CYFIP2: variants seen among roughly 807,000 people sequenced by gnomAD.
CYFIP2 encodes the protein cytoplasmic FMR1-interacting protein 2.
In CYFIP2, 29 loss-of-function variants were observed where a neutral mutation model predicts 158.7. The observed-to-expected ratio is 0.18, with a 90% CI of 0.14 to 0.25. The LOEUF (loss-of-function observed/expected upper bound fraction) is 0.25. CYFIP2 is among the 10% of genes least tolerant of loss of function. The pLI is 1.00. For missense variants in CYFIP2, 852 were observed against 1,639.5 expected, an observed-to-expected ratio of 0.52 and a Z score of 8.29; for synonymous variants, 585 against 617.6, an observed-to-expected ratio of 0.95 and a Z score of 0.78.
At chr5:157,336,086 G>T (rs150132593) in intron 21 of CYFIP2, among the ~76,000 whole-genome samples, 5 of 152,122 alleles carry the variant, frequency 3.3e-5, no homozygotes, top group Non-Finnish European at 7.4e-5. Context: ...GCCCCTGCTC[G>T]CCCTGGCTGA....
intron 26 of CYFIP2, chr5:157,363,073 CTCT>C (rs1199416338): frequency 1.3e-5 from 2 of 152,524 alleles, no homozygotes; most frequent in Non-Finnish European, 2.9e-5. Context: ...AGAACCAGCA[CTCT>C]TCTTCCTGCA....
At chr5:157,322,487 ACC>A (rs1554112809) in intron 15 of CYFIP2, among the ~76,000 whole-genome samples, 2 of 152,212 alleles carry the variant, frequency 1.3e-5, no homozygotes, top group Non-Finnish European at 2.9e-5. Flanking sequence ...ACTGGACAGC[ACC>A]CACAACAGAT....
Position 157,311,768 on chromosome 5 carries a change from A to G in CYFIP2, c.1097A>G (p.Tyr366Cys). ...HIRFISELAR[Y>C]SNSEVVTGSG... ...CGCTTCATCTCCGAGCTCGCTCGCTACAGCAACAGTGAGGTGAGCATGCAG... is the reference window on the plus strand; with the variant it reads ...CGCTTCATCTCCGAGCTCGCTCGCTGCAGCAACAGTGAGGTGAGCATGCAG... The change falls in exon 11 of 31, where the codon TAC becomes TGC. Residue 366 changes from tyrosine (Y) to cysteine (C), a missense_variant. By Grantham distance (194) the Tyr-to-Cys change is radical. Coordinates refer to ENST00000620254, the MANE Select transcript of CYFIP2 (RefSeq NM_001037333.3). This position sits in a 1 kb window ranked among gnomAD's most constrained non-coding sequence, Gnocchi z 4.7. The G allele has an allele frequency of 6.3e-7, 1 of 1,596,950 alleles. No individual in the cohort carries two copies. Among genetic ancestry groups the G allele is most frequent in the African/African-American group, 1.3e-5 (1 of 74,694 alleles).
At position 157,282,407 on chromosome 5, in the gene CYFIP2, C is replaced by T. The variant is rs189890110; in HGVS notation, c.-23-2932C>T. Among the ~76,000 whole-genome samples, 10 of 152,288 alleles carry T rather than the reference C, an allele frequency of 6.6e-5. No individual in the cohort carries two copies. In the East Asian group the frequency reaches 1.9e-3, roughly 29 times the overall value. On this transcript the variant is annotated intron_variant, in intron 1 of 30. Coordinates refer to ENST00000620254, the MANE Select transcript of CYFIP2 (RefSeq NM_001037333.3). ...GCCCAAGCCATTCATGAGGGACCTGCCCACATGATCCAAACACCTCCCACC... is the reference window on the plus strand; with the variant it reads ...GCCCAAGCCATTCATGAGGGACCTGTCCACATGATCCAAACACCTCCCACC...
intron 23 of CYFIP2, among the ~76,000 whole-genome samples, chr5:157,352,644 C>T (rs575327908): frequency 6.6e-6 from 1 of 152,224 alleles, no homozygotes; most frequent in Admixed American, 6.5e-5. Context: ...TCAGATTCCA[C>T]TTCTGCTAAA....
intron 15 of CYFIP2, chr5:157,323,048 T>C (rs1249888057): frequency 6.5e-7 from 1 of 1,534,460 alleles, no homozygotes; most frequent in Non-Finnish European, 8.7e-7. Context: ...TTGGTTTGGG[T>C]ACCCTTCTCG....
chr5:157,357,610 C>T (rs1033186995), intron 23 of CYFIP2, among the ~76,000 whole-genome samples: 1 of 152,076 alleles, frequency 6.6e-6, no homozygotes, highest in African/African-American at 2.4e-5. Flanking sequence ...GGGAAGATCA[C>T]TTGAGGTCAG....
rs1442675860 is a variant in CYFIP2 at position 157,393,686 on chromosome 5, T to C, written c.*686T>C. On this transcript the variant is annotated 3_prime_UTR_variant, in exon 31 of 31. Coordinates refer to ENST00000620254, the MANE Select transcript of CYFIP2 (RefSeq NM_001037333.3). ...TCAGGCCTGCTGTGGGGAAGCAGTA[T>C]GTATGAACACAGCCAGAAATGTCAT... The C allele has an allele frequency of 6.6e-6, 1 of 152,316 alleles. No individual in the cohort carries two copies. Among genetic ancestry groups the C allele is most frequent in the African/African-American group, 2.4e-5 (1 of 41,466 alleles). 9.4% of individuals were successfully genotyped at this position (152,316 alleles called of 1,614,324 possible).
At chr5:157,267,176 C>T (rs949011719) in intron 1 of CYFIP2, among the ~76,000 whole-genome samples, 1 of 152,232 alleles carries the variant, frequency 6.6e-6, no homozygotes, top group Non-Finnish European at 1.5e-5. Context: ...AAACACTCAC[C>T]AGGGCTGATG....
chr5:157,385,158 C>T (rs1169278631), intron 28 of CYFIP2, among the ~76,000 whole-genome samples: 1 of 152,148 alleles, frequency 6.6e-6, no homozygotes, highest in Admixed American at 6.5e-5. Flanking sequence ...TGCAGGCATC[C>T]CGCCTCTCAC....
intron 20 of CYFIP2, among the ~76,000 whole-genome samples, chr5:157,332,489 G>A (rs868303079): frequency 3.3e-4 from 50 of 152,156 alleles, no homozygotes; most frequent in Non-Finnish European, 5.9e-4. Flanking sequence ...GAACAAGGAC[G>A]TTGTCTTATA....
At chr5:157,320,311 G>C (rs1760487305) in intron 14 of CYFIP2, among the ~76,000 whole-genome samples, 1 of 152,152 alleles carries the variant, frequency 6.6e-6, no homozygotes, top group Admixed American at 6.5e-5. Flanking sequence ...AGCACACACA[G>C]ATTTCATAAG....
intron 26 of CYFIP2, among the ~76,000 whole-genome samples, chr5:157,367,248 G>A (rs1225795776): frequency 2.0e-5 from 3 of 152,132 alleles, no homozygotes; most frequent in East Asian, 1.9e-4. Context: ...TCTTTTAGGG[G>A]GTTGCCCTGG....
intron 1 of CYFIP2, among the ~76,000 whole-genome samples, chr5:157,269,871 C>T (rs981236681): frequency 6.6e-6 from 1 of 152,154 alleles, no homozygotes; most frequent in Admixed American, 6.5e-5. Flanking sequence ...GGACGCCTCC[C>T]AGGATGCAAA....
At chr5:157,327,943 C>T in intron 18 of CYFIP2, 30 bp from the exon 19 acceptor site, 1 of 1,608,318 alleles carries the variant, frequency 6.2e-7, no homozygotes, top group Non-Finnish European at 8.5e-7. Context: ...GAACGGGCAC[C>T]AGTGATGTTT....
At chr5:157,320,440 T>G (rs1468760761) in intron 14 of CYFIP2, among the ~76,000 whole-genome samples, 1 of 152,202 alleles carries the variant, frequency 6.6e-6, no homozygotes, top group Non-Finnish European at 1.5e-5. Flanking sequence ...ATCAGAACCA[T>G]GTAGGACACT....
intron 23 of CYFIP2, among the ~76,000 whole-genome samples, chr5:157,351,848 C>A (rs549133821): frequency 6.6e-6 from 1 of 152,304 alleles, no homozygotes; most frequent in East Asian, 1.9e-4. Context: ...ACTAAAAGCT[C>A]TTACAGAGAA....
At chr5:157,304,138 A>G in intron 7 of CYFIP2, 100 bp from the exon 8 acceptor site, 1 of 1,417,878 alleles carries the variant, frequency 7.1e-7, no homozygotes, top group Non-Finnish European at 9.4e-7. Flanking sequence ...CCTGGCCATC[A>G]GCGGGGACCA....
At chr5:157,331,424 A>AGCC (rs1761452489) in intron 20 of CYFIP2, among the ~76,000 whole-genome samples, 2 of 150,524 alleles carry the variant, frequency 1.3e-5, no homozygotes, top group South Asian at 4.3e-4. Flanking sequence ...CTCCTCCTAC[A>AGCC]GCCCTGCTGT....
Sources: allele counts gnomAD v4.1 joint callset (sites outside exome capture counted in the v4.1 genomes callset), GRCh38; gene constraint gnomAD v4.1.1; non-coding constraint Gnocchi (gnomAD v3.1); transcripts MANE v1.5; gene names NCBI Gene and HGNC (gene_info 2026-07-23, HGNC 2026-07-21).